The following MBOAT1 variants were observed in gnomAD, a reference collection of about 807,000 sequenced individuals.
The protein encoded by MBOAT1 is membrane-bound glycerophospholipid O-acyltransferase 1.
MBOAT1 carries 67 observed loss-of-function variants against 64.4 expected under a neutral mutation model. The observed-to-expected ratio is 1.04, with a 90% CI of 0.85 to 1.27. The LOEUF (loss-of-function observed/expected upper bound fraction) is 1.27. Among genes scored for constraint, MBOAT1 ranks in the 50% most tolerant of loss-of-function variants. The pLI is 0.00. For synonymous variants in MBOAT1, 229 were observed against 218.9 expected (o/e 1.05, Z -0.41); for missense variants, 563 against 604.6 (o/e 0.93, Z 0.72).
chr6:20,134,428 G>T (rs1760919079), intron 4 of MBOAT1, among the ~76,000 whole-genome samples: 2 of 150,730 alleles, frequency 1.3e-5, no homozygotes, highest in Admixed American at 6.6e-5. Context: ...ACATCATCTA[G>T]ACCATACTTT....
intron 1 of MBOAT1, among the ~76,000 whole-genome samples, chr6:20,184,378 G>A (rs1159482689): frequency 1.3e-5 from 2 of 152,110 alleles, no homozygotes; most frequent in African/African-American, 2.4e-5. Flanking sequence ...CTAAGGTAAT[G>A]TCATGTCACA....
At chr6:20,150,932 C>G (rs948782501) in intron 3 of MBOAT1, among the ~76,000 whole-genome samples, 1 of 151,988 alleles carries the variant, frequency 6.6e-6, no homozygotes, top group African/African-American at 2.4e-5. Flanking sequence ...CAGTTTCGGG[C>G]TGTCACAAAT....
intron 1 of MBOAT1, among the ~76,000 whole-genome samples, chr6:20,193,868 G>A (rs1451117194): frequency 6.6e-6 from 1 of 152,112 alleles, no homozygotes; most frequent in Admixed American, 6.6e-5. Flanking sequence ...GCCTCCCAAA[G>A]TGCTGTGATT....
chr6:20,122,114 G>A (rs564130534), intron 8 of MBOAT1, among the ~76,000 whole-genome samples: 72 of 152,174 alleles, frequency 4.7e-4, no homozygotes, highest in African/African-American at 1.7e-3. Context: ...GCAGTGAGCC[G>A]AGACCGCACC....
At chr6:20,126,015 ATAT>A (rs1760638728) in intron 7 of MBOAT1, 1 of 275,094 alleles carries the variant, frequency 3.6e-6, no homozygotes, top group Non-Finnish European at 7.1e-6. Flanking sequence ...AAGTTTTAAA[ATAT>A]TATTTCAAAA....
intron 12 of MBOAT1, among the ~76,000 whole-genome samples, chr6:20,107,678 A>T (rs920012713): frequency 1.3e-5 from 2 of 152,128 alleles, no homozygotes; most frequent in Non-Finnish European, 2.9e-5. Context: ...AGCACACTAC[A>T]GGTATTACGT....
chr6:20,212,419 C>A lies in MBOAT1; in HGVS notation c.-185G>T. ...ACTCTCGAGGCGCAAACTCTCGAGG[C>A]GCAAACTTGGCTTTGGCGCTGGCGC... On this transcript the variant is annotated 5_prime_UTR_variant, in exon 1 of 13. Coordinates refer to ENST00000324607, the MANE Select transcript of MBOAT1 (RefSeq NM_001080480.3). 1 of 601,804 alleles carries A rather than the reference C, an allele frequency of 1.7e-6. No individual in the cohort carries two copies. Among genetic ancestry groups the A allele is most frequent in the Non-Finnish European group, 2.9e-6 (1 of 348,230 alleles). 37.3% of individuals were successfully genotyped at this position (601,804 alleles called of 1,614,324 possible).
rs114084381 is a variant in MBOAT1 at position 20,156,695 on chromosome 6, C to A, written c.100-3926G>T. Among the ~76,000 whole-genome samples, 1,149 of 152,242 alleles carry A rather than the reference C, an allele frequency of 7.5e-3. 12 individuals are homozygous for A. The highest frequency in any genetic ancestry group is 0.026 in the African/African-American group (1,066 of 41,524). On this transcript the variant is annotated intron_variant, in intron 1 of 12. Transcript: ENST00000324607. ...TCACAGAGATGTGAAAACATTTGAA[C>A]CCATGTGCACTCCTAATGGGAATGT...
intron 8 of MBOAT1, among the ~76,000 whole-genome samples, chr6:20,123,612 A>G (rs1441879869): frequency 6.6e-6 from 1 of 152,190 alleles, no homozygotes; most frequent in East Asian, 1.9e-4. Context: ...TACCTAAAAA[A>G]AAAAAAAAAT....
chr6:20,134,669 C>G (rs1760924764), intron 4 of MBOAT1, among the ~76,000 whole-genome samples: 2 of 152,102 alleles, frequency 1.3e-5, no homozygotes, highest in Non-Finnish European at 2.9e-5. Context: ...AAGCACCATA[C>G]TGTCTTTCTC....
At chr6:20,108,236 T>C (rs1024441395) in intron 12 of MBOAT1, among the ~76,000 whole-genome samples, 1 of 152,228 alleles carries the variant, frequency 6.6e-6, no homozygotes, top group African/African-American at 2.4e-5. Flanking sequence ...CAATGCTCAA[T>C]GGCCACACAT....
At chr6:20,183,285 A>G (rs992744014) in intron 1 of MBOAT1, among the ~76,000 whole-genome samples, 1 of 152,232 alleles carries the variant, frequency 6.6e-6, no homozygotes, top group African/African-American at 2.4e-5. Context: ...AAAACAAACC[A>G]AAAAATAAGT....
chr6:20,109,492 G>A (rs1471246908), intron 12 of MBOAT1, 106 bp downstream of exon 12: 2 of 1,369,650 alleles, frequency 1.5e-6, no homozygotes, highest in Non-Finnish European at 2.0e-6. Flanking sequence ...TGAAGCCCCA[G>A]TTAGAAGTGT....
intron 7 of MBOAT1, chr6:20,125,993 T>C: frequency 3.4e-6 from 1 of 293,990 alleles, no homozygotes; most frequent in Non-Finnish European, 6.7e-6. Context: ...TAGAGATTGA[T>C]AAAATTCAGT....
intron 1 of MBOAT1, among the ~76,000 whole-genome samples, chr6:20,175,597 T>C (rs1762319973): frequency 6.6e-6 from 1 of 151,398 alleles, no homozygotes; most frequent in African/African-American, 2.4e-5. Context: ...CAGGCACACG[T>C]CGCCACGCCT....
At chr6:20,128,175 C>G (rs1760716724) in intron 6 of MBOAT1, among the ~76,000 whole-genome samples, 1 of 152,018 alleles carries the variant, frequency 6.6e-6, no homozygotes, top group Non-Finnish European at 1.5e-5. Context: ...CACTTCTTCT[C>G]CAACACTCCC....
intron 1 of MBOAT1, among the ~76,000 whole-genome samples, chr6:20,187,543 C>A (rs1762688407): frequency 6.6e-6 from 1 of 152,138 alleles, no homozygotes. Context: ...TCTAGTTTTA[C>A]AAATTTAAAA....
intron 1 of MBOAT1, among the ~76,000 whole-genome samples, chr6:20,178,633 AT>A (rs1204281894): frequency 6.6e-6 from 1 of 152,192 alleles, no homozygotes; most frequent in Non-Finnish European, 1.5e-5. Context: ...TGGGAAATAA[AT>A]ATTTTAAAAT....
intron 9 of MBOAT1, among the ~76,000 whole-genome samples, chr6:20,116,367 G>A (rs1164811678): frequency 1.3e-5 from 2 of 151,978 alleles, no homozygotes; most frequent in Non-Finnish European, 2.9e-5. Flanking sequence ...AAATAACCGT[G>A]ATGCAAACAT....
Sources: allele counts gnomAD v4.1 joint callset (sites outside exome capture counted in the v4.1 genomes callset), GRCh38; gene constraint gnomAD v4.1.1; transcripts MANE v1.5; gene names NCBI Gene and HGNC (gene_info 2026-07-23, HGNC 2026-07-21).